SMC1B: variants seen among roughly 807,000 people sequenced by gnomAD.
SMC1B encodes structural maintenance of chromosomes 1B.
Under a neutral mutation model 157.9 loss-of-function variants are expected in SMC1B, and 60 were observed. The observed-to-expected ratio is 0.38, with a 90% confidence interval of 0.31 to 0.47. The LOEUF (loss-of-function observed/expected upper bound fraction) is 0.47, where lower values mean the gene tolerates loss of function less well. Among genes scored for constraint, SMC1B ranks in the 20% least tolerant of loss-of-function variants. The pLI is 0.99. For synonymous variants in SMC1B, 445 were observed against 483.0 expected (o/e 0.92, Z 1.03); for missense variants, 1,165 against 1,426.2 (o/e 0.82, Z 2.95).
intron 4 of SMC1B, among the ~76,000 whole-genome samples, chr22:45,404,979 C>A (rs1344654926): frequency 1.3e-5 from 2 of 152,072 alleles, no homozygotes; most frequent in Admixed American, 6.6e-5. Flanking sequence ...ACAAAAGAAA[C>A]AAAATAGGGT....
chr22:45,368,230 A>T (rs1020562961), intron 15 of SMC1B, among the ~76,000 whole-genome samples: 2 of 152,140 alleles, frequency 1.3e-5, no homozygotes, highest in Non-Finnish European at 2.9e-5. Context: ...GTGTTTTTTC[A>T]TCATCCTTAG....
intron 4 of SMC1B, among the ~76,000 whole-genome samples, chr22:45,405,390 T>C (rs1179086459): frequency 6.6e-6 from 1 of 150,490 alleles, no homozygotes; most frequent in South Asian, 2.1e-4. Flanking sequence ...CTACTAAAAA[T>C]ACAAAAAAAA....
chr22:45,398,920 A>G (rs1335159946), intron 6 of SMC1B, among the ~76,000 whole-genome samples, 175 bp downstream of exon 6: 1 of 152,184 alleles, frequency 6.6e-6, no homozygotes, highest in Non-Finnish European at 1.5e-5. Flanking sequence ...ACAAAATTAA[A>G]ATTAAAAATA....
chr22:45,400,593 C>T (rs1481126044), intron 5 of SMC1B, among the ~76,000 whole-genome samples: 1 of 152,076 alleles, frequency 6.6e-6, no homozygotes, highest in Non-Finnish European at 1.5e-5. Context: ...ATACTTTGCC[C>T]TCAAGGTAAA....
At chr22:45,353,275 AAAG>A (rs1368700386) in intron 21 of SMC1B, among the ~76,000 whole-genome samples, 897 of 87,924 alleles carry the variant, frequency 0.01, 12 homozygotes, top group African/African-American at 0.04. Context: ...AAAAAAAAAA[AAAG>A]AAAGAAAGAA....
At chr22:45,369,561 G>A (rs1331296240) in intron 15 of SMC1B, among the ~76,000 whole-genome samples, 1 of 51,816 alleles carries the variant, frequency 1.9e-5, no homozygotes, top group Non-Finnish European at 4.2e-5. Context: ...TTTTTTTTTT[G>A]AGATGGAGTC....
rs1254695360 is a variant in SMC1B at position 45,361,973 on chromosome 22, G to T, written c.2574C>A (p.Asn858Lys). The T allele has an allele frequency of 3.7e-6, 6 of 1,613,764 alleles. No individual in the cohort carries two copies. The highest frequency in any genetic ancestry group is 4.2e-6 in the Non-Finnish European group (5 of 1,179,912). ...DIDHLKKAEENCLQTVNELMA... is the reference protein window; with the variant it reads ...DIDHLKKAEEKCLQTVNELMA... ...TGAGTTCATTCACTGTCTGCAGACA[G>T]TTTTCTTCAGCCTGAACAGAGAGGA... The change falls in exon 17 of 25, where the codon AAC (asparagine) becomes AAA (lysine). Residue 858 changes from asparagine (N) to lysine (K), a missense_variant. By Grantham distance (94) the Asn-to-Lys change is moderately conservative. Transcript: ENST00000357450.
At chr22:45,354,371 TATGTATGTATGTAAG>T in intron 20 of SMC1B, among the ~76,000 whole-genome samples, 1 of 152,158 alleles carries the variant, frequency 6.6e-6, no homozygotes, top group Middle Eastern at 3.4e-3. Flanking sequence ...GGTATGTATG[TATGTATGTATGTAAG>T]TATGTATGTA....
intron 15 of SMC1B, among the ~76,000 whole-genome samples, chr22:45,368,438 T>C (rs993639386): frequency 6.6e-6 from 1 of 152,192 alleles, no homozygotes; most frequent in South Asian, 2.1e-4. Context: ...ATTGTATGTA[T>C]ACTTTTTTGA....
At chr22:45,385,644 C>A (rs1392299206) in intron 11 of SMC1B, among the ~76,000 whole-genome samples, 1 of 152,036 alleles carries the variant, frequency 6.6e-6, no homozygotes, top group African/African-American at 2.4e-5. Flanking sequence ...GCAATCATAT[C>A]TTCATGTGAC....
chr22:45,412,498 CTTTTTTTTTTTTTTT>C (rs56894434), intron 1 of SMC1B, among the ~76,000 whole-genome samples: 2 of 65,414 alleles, frequency 3.1e-5, no homozygotes, highest in Admixed American at 2.1e-4. Context: ...CGCGCCCAGC[CTTTTTTTTTTTTTTT>C]TTTTTTTTTT....
intron 12 of SMC1B, among the ~76,000 whole-genome samples, chr22:45,380,048 C>G (rs758197232): frequency 1.3e-5 from 2 of 152,070 alleles, no homozygotes; most frequent in Non-Finnish European, 2.9e-5. Flanking sequence ...CTTAAGAGTA[C>G]TTTCTCTAGT....
At chr22:45,379,152 T>C (rs2086910888) in intron 12 of SMC1B, among the ~76,000 whole-genome samples, 1 of 152,152 alleles carries the variant, frequency 6.6e-6, no homozygotes, top group South Asian at 2.1e-4. Flanking sequence ...CAGCTAATTT[T>C]TGTATTTTTA....
At chr22:45,356,140 T>C (rs926668584) in intron 19 of SMC1B, among the ~76,000 whole-genome samples, 7 of 139,378 alleles carry the variant, frequency 5.0e-5, no homozygotes, top group Admixed American at 2.3e-4. Flanking sequence ...TGGTGGATAT[T>C]GCTACTCAGC....
chr22:45,371,703 T>C (rs1416588600), intron 13 of SMC1B, 116 bp from the exon 14 acceptor site: 3 of 1,232,468 alleles, frequency 2.4e-6, no homozygotes, highest in Non-Finnish European at 2.2e-6. Flanking sequence ...ATAAGATGAA[T>C]TCACCTGGAT....
At chr22:45,376,726 TC>T (rs398121871) in intron 12 of SMC1B, among the ~76,000 whole-genome samples, 1 of 151,818 alleles carries the variant, frequency 6.6e-6, no homozygotes, top group African/African-American at 2.4e-5. Flanking sequence ...GTTTTTTTTT[TC>T]CTCACACAAA....
rs746252131 is a variant in SMC1B, at chr22:45,406,789, G to A, written c.375C>T (p.Gly125=). 3.1e-6 allele frequency: 5 copies of A among 1,596,832 alleles called. No individual in the cohort carries two copies. Among genetic ancestry groups the A allele is most frequent in the Non-Finnish European group, 4.3e-6 (5 of 1,175,892 alleles). ...SVYIAELEKI[G]IIVKAQNCLV... ...AACAATTTTGTGCTTTGACTATTAT[G>A]CCTATCTTTTCCAACTCTGCAATGT... Residue 125 remains glycine, a synonymous_variant, in exon 3 of 25, where the codon GGC becomes GGT. Coordinates refer to ENST00000357450, the MANE Select transcript of SMC1B (RefSeq NM_148674.5).
At chr22:45,392,044 T>A (rs2087065061) in intron 9 of SMC1B, among the ~76,000 whole-genome samples, 1 of 152,154 alleles carries the variant, frequency 6.6e-6, no homozygotes, top group Non-Finnish European at 1.5e-5. Flanking sequence ...CCTCCCGGGT[T>A]CAAGCAATTC....
chr22:45,347,471 A>G (rs1035122860), intron 23 of SMC1B, among the ~76,000 whole-genome samples: 1 of 152,220 alleles, frequency 6.6e-6, no homozygotes, highest in African/African-American at 2.4e-5. Context: ...GACTCAACAG[A>G]GTAAGCAATC....
Sources: gnomAD v4.1 joint callset for allele counts (sites outside exome capture counted in the v4.1 genomes callset) on GRCh38, gnomAD v4.1.1 for gene constraint, MANE v1.5 for transcripts, NCBI Gene and HGNC (gene_info 2026-07-23, HGNC 2026-07-21) for gene names.